CDC27: variants seen among roughly 807,000 people sequenced by gnomAD.
The protein encoded by CDC27 is cell division cycle protein 27 homolog.
In CDC27, 27 loss-of-function variants were observed where a neutral mutation model predicts 109.7. That is an observed-to-expected ratio of 0.25 (90% CI 0.18 to 0.34). The LOEUF is 0.34. CDC27 is among the 10% of genes least tolerant of loss of function. CDC27 has a pLI of 1.00. For synonymous variants in CDC27, 266 were observed against 333.9 expected (o/e 0.80, Z 2.22); for missense variants, 579 against 960.2 (o/e 0.60, Z 5.25).
rs1469131785 is a variant in CDC27 at position 47,189,279 on chromosome 17, G to GA, written c.-108dup. 1.2e-6 allele frequency: 1 copy of GA among 863,578 alleles called. No individual in the cohort carries two copies. The highest frequency in any genetic ancestry group is 2.5e-5 in the East Asian group (1 of 39,534). 53.5% of individuals were successfully genotyped at this position (863,578 alleles called of 1,614,324 possible). On this transcript the variant is annotated 5_prime_UTR_variant, in exon 1 of 19. Coordinates refer to ENST00000066544, the MANE Select transcript of CDC27 (RefSeq NM_001256.6). Reference sequence around the variant, plus strand: ...AACTCACCAGCGACCGTTACCGGGGGATGGGGGAGGCCGAGCGATTGCCGA... The same window carrying GA: ...AACTCACCAGCGACCGTTACCGGGGGAATGGGGGAGGCCGAGCGATTGCCGA...
intron 9 of CDC27, among the ~76,000 whole-genome samples, chr17:47,149,963 AC>A (rs2063105534): frequency 6.6e-6 from 1 of 152,150 alleles, no homozygotes; most frequent in Admixed American, 6.5e-5. Context: ...TAAAACAAAA[AC>A]AAAAACAAAA....
At chr17:47,135,368 G>A (rs2062546762) in intron 14 of CDC27, among the ~76,000 whole-genome samples, 1 of 151,698 alleles carries the variant, frequency 6.6e-6, no homozygotes, top group Admixed American at 6.6e-5. Flanking sequence ...AATATAGTGT[G>A]GATGGTTTAT....
chr17:47,146,412 G>A (rs568391611), intron 9 of CDC27, among the ~76,000 whole-genome samples: 47 of 152,324 alleles, frequency 3.1e-4, no homozygotes, highest in African/African-American at 1.1e-3. Flanking sequence ...AGTTTGGGTA[G>A]TTAGCATCAG....
chr17:47,139,983 A>T (rs867720438), intron 12 of CDC27: 6 of 146,438 alleles, frequency 4.1e-5, no homozygotes, highest in Admixed American at 1.4e-4. Context: ...TCTAGGTAAT[A>T]AAAAAAAAAA....
intron 16 of CDC27, 152 bp downstream of exon 16, chr17:47,129,241 T>A (rs1216332658): frequency 1.6e-6 from 1 of 612,288 alleles, no homozygotes; most frequent in Non-Finnish European, 2.8e-6. Context: ...GAGTATTTCA[T>A]GAAGACATAA....
At chr17:47,151,614 T>C (rs1332618422) in intron 9 of CDC27, among the ~76,000 whole-genome samples, 192 bp downstream of exon 9, 1 of 152,236 alleles carries the variant, frequency 6.6e-6, no homozygotes, top group Non-Finnish European at 1.5e-5. Flanking sequence ...AGTTAACTAT[T>C]GTCTTCTGTG....
At chr17:47,150,573 C>T (rs2063123872) in intron 9 of CDC27, among the ~76,000 whole-genome samples, 1 of 152,158 alleles carries the variant, frequency 6.6e-6, no homozygotes, top group South Asian at 2.1e-4. Flanking sequence ...AACAACCCTG[C>T]CAACACCTTG....
At chr17:47,146,566 A>G (rs2148881620) in intron 9 of CDC27, among the ~76,000 whole-genome samples, 1 of 152,272 alleles carries the variant, frequency 6.6e-6, no homozygotes, top group Non-Finnish European at 1.5e-5. Flanking sequence ...GAAACCTCAT[A>G]CTAAACAGGT....
At chr17:47,178,833 C>T (rs1276483583) in intron 2 of CDC27, among the ~76,000 whole-genome samples, 1 of 151,738 alleles carries the variant, frequency 6.6e-6, no homozygotes, top group Non-Finnish European at 1.5e-5. Flanking sequence ...GACGGAGTCT[C>T]GCTCTGTTGC....
chr17:47,186,044 C>T (rs2064422731), intron 1 of CDC27, among the ~76,000 whole-genome samples: 1 of 152,298 alleles, frequency 6.6e-6, no homozygotes, highest in Middle Eastern at 3.4e-3. Context: ...GTCAATAGTG[C>T]TCAGATTAAG....
At chr17:47,134,474 GTTTTT>G (rs112150744) in intron 14 of CDC27, among the ~76,000 whole-genome samples, 3 of 146,864 alleles carry the variant, frequency 2.0e-5, no homozygotes, top group South Asian at 2.2e-4. Context: ...ATGCCTAATT[GTTTTT>G]TTTTTGTTTT....
intron 4 of CDC27, among the ~76,000 whole-genome samples, chr17:47,160,454 G>A (rs908530016): frequency 6.6e-6 from 1 of 152,060 alleles, no homozygotes; most frequent in African/African-American, 2.4e-5. Context: ...TTGAACTCCT[G>A]GACTCAAGTG....
At chr17:47,188,907 A>C in intron 1 of CDC27, 1 of 1,386,736 alleles carries the variant, frequency 7.2e-7, no homozygotes, top group Non-Finnish European at 9.4e-7. Context: ...TCGGACGGGA[A>C]AGGCGGTTAT....
At chr17:47,160,038 T>C in intron 4 of CDC27, 1 of 216,774 alleles carries the variant, frequency 4.6e-6, no homozygotes, top group Middle Eastern at 1.7e-3. Context: ...AGGTGGTAGG[T>C]CTTTTTCCTC....
Position 47,154,008 on chromosome 17 carries a change from G to A in CDC27, c.957+664C>T, listed in dbSNP as rs11570493. ...GGAGGCTAAGGTGGAAGGATCACTT[G>A]AGCCTGGGAGGTAGAGGCTACAGTG... On this transcript the variant is annotated intron_variant, in intron 8 of 18. Transcript: ENST00000066544. Among the ~76,000 whole-genome samples, 347 of 151,428 alleles carry A rather than the reference G, an allele frequency of 2.3e-3. 1 individual carries two copies. Among genetic ancestry groups the A allele is most frequent in the Admixed American group, 9.4e-3 (143 of 15,160 alleles).
Position 47,133,118 on chromosome 17 carries a change from T to C in CDC27, c.1914-744A>G, listed in dbSNP as rs1214285218. Among the ~76,000 whole-genome samples the C allele has an allele frequency of 7.0e-4, 91 of 130,014 alleles. 1 individual carries two copies. The highest frequency in any genetic ancestry group is 1.2e-3 in the Non-Finnish European group (75 of 61,632). The allele number at this position is 130,014 out of a possible 152,430, so 85.3% of individuals were successfully genotyped here. On this transcript the variant is annotated intron_variant, in intron 14 of 18. Transcript: ENST00000066544. ...ACACACAAATATACATATATATATATATATATATATATATATATAATATAT... is the reference window on the plus strand; with the variant it reads ...ACACACAAATATACATATATATATACATATATATATATATATATAATATAT...
In CDC27 at chr17:47,118,136, G is replaced by C. The variant is rs1280372804; in HGVS notation, c.*2799C>G. 2 of 151,958 alleles carry C rather than the reference G, an allele frequency of 1.3e-5. No individual in the cohort carries two copies. Among genetic ancestry groups the C allele is most frequent in the African/African-American group, 4.8e-5 (2 of 41,346 alleles). 9.4% of individuals were successfully genotyped at this position (151,958 alleles called of 1,614,324 possible). A position where few individuals can be genotyped will look rare whatever the true frequency, so the allele number is the denominator to read the frequency against. ...TTCCCAGGTTTTCACAAAGAAAATG[G>C]GTCACCATATTTCTCAGTGAAGACT... On this transcript the variant is annotated 3_prime_UTR_variant, in exon 19 of 19. Coordinates refer to ENST00000066544, the MANE Select transcript of CDC27 (RefSeq NM_001256.6).
chr17:47,170,244 G>T, intron 3 of CDC27: 1 of 371,340 alleles, frequency 2.7e-6, no homozygotes. Flanking sequence ...TGTTACCCAG[G>T]CTAGAGTGCA....
intron 2 of CDC27, among the ~76,000 whole-genome samples, chr17:47,179,692 C>T (rs959841763): frequency 5.3e-5 from 8 of 152,164 alleles, no homozygotes; most frequent in African/African-American, 1.9e-4. Flanking sequence ...AATCTTTCCT[C>T]ATATAAATAT....
Sources: allele counts gnomAD v4.1 joint callset (sites outside exome capture counted in the v4.1 genomes callset), GRCh38; gene constraint gnomAD v4.1.1; transcripts MANE v1.5; gene names NCBI Gene and HGNC (gene_info 2026-07-23, HGNC 2026-07-21).